PRSS23: variants seen among roughly 807,000 people sequenced by gnomAD.
PRSS23 encodes the protein protease, serine 23.
In PRSS23, 25 loss-of-function variants were observed where a neutral mutation model predicts 34.7. That is an observed-to-expected ratio of 0.72 (90% CI 0.53 to 1.01). The LOEUF (loss-of-function observed/expected upper bound fraction) is 1.01, where lower values mean the gene tolerates loss of function less well. PRSS23 is among the 50% of genes least tolerant of loss of function. The pLI is 0.00. For missense variants in PRSS23, 445 were observed against 475.6 expected (o/e 0.94, Z 0.60); for synonymous variants, 176 against 186.6 (o/e 0.94, Z 0.46).
rs560559265 is a variant in PRSS23, at chr11:86,872,237, T to C, written c.206+48644T>C. ...TAATGTGTTATTATTTCCTCTTCTGTAAGTTTTTAAATAATGTTCAAAGAG... is the reference window on the plus strand; with the variant it reads ...TAATGTGTTATTATTTCCTCTTCTGCAAGTTTTTAAATAATGTTCAAAGAG... On this transcript the variant is annotated intron_variant, in intron 2 of 2. Transcript: ENST00000533902. Among the ~76,000 whole-genome samples, 3 of 152,312 alleles carry C rather than the reference T, an allele frequency of 2.0e-5. No individual in the cohort carries two copies. The South Asian group carries it at 6.2e-4, about 32-fold the overall frequency.
intron 1 of PRSS23, among the ~76,000 whole-genome samples, chr11:86,793,517 G>T (rs1011364825): frequency 6.6e-6 from 1 of 152,140 alleles, no homozygotes; most frequent in African/African-American, 2.4e-5. Context: ...AATGTAATTA[G>T]CAGGCCAAGT....
intron 2 of PRSS23, chr11:86,857,595 G>A (rs1428792972): frequency 2.0e-6 from 1 of 504,312 alleles, no homozygotes; most frequent in Non-Finnish European, 4.0e-6. Context: ...CAGAGGTGAG[G>A]ATTCATGATG....
At chr11:86,813,519 G>A (rs185796436), downstream of PRSS23, among the ~76,000 whole-genome samples, 22 of 152,262 alleles carry the variant, frequency 1.4e-4, no homozygotes, top group African/African-American at 4.8e-4. Context: ...TTAAGTAGGA[G>A]CCCTGGTGGG....
intron 1 of PRSS23, among the ~76,000 whole-genome samples, chr11:86,791,888 C>T (rs77127947): frequency 0.017 from 2,599 of 152,274 alleles, 80 homozygotes; most frequent in African/African-American, 0.059. Context: ...CTTCAATGAG[C>T]TTTTATACCA....
At chr11:86,796,533 C>T (rs12796593), upstream of PRSS23, among the ~76,000 whole-genome samples, 11,270 of 148,810 alleles carry the variant, frequency 0.076, 472 homozygotes, top group Middle Eastern at 0.12. Flanking sequence ...CCCAGCTACT[C>T]GGGAGGCTGA....
intron 2 of PRSS23, chr11:86,932,575 A>G (rs1949133258): frequency 6.7e-6 from 1 of 149,812 alleles, no homozygotes; most frequent in African/African-American, 2.5e-5. Context: ...TTCACTCACC[A>G]TTTAACTGAA....
intron 2 of PRSS23, among the ~76,000 whole-genome samples, chr11:86,868,077 G>A (rs942078074): frequency 1.3e-5 from 2 of 150,064 alleles, no homozygotes; most frequent in Admixed American, 6.6e-5. Context: ...GGAAAAAAAA[G>A]TGAAGCCTAG....
intron 2 of PRSS23, among the ~76,000 whole-genome samples, chr11:86,939,487 G>A (rs1219839067): frequency 7.1e-6 from 1 of 141,042 alleles, no homozygotes; most frequent in Non-Finnish European, 1.5e-5. Context: ...GGCTACTAAA[G>A]ATTATAATTC....
chr11:86,813,158 T>A (rs1311325337), downstream of PRSS23, among the ~76,000 whole-genome samples: 1 of 152,220 alleles, frequency 6.6e-6, no homozygotes, highest in African/African-American at 2.4e-5. Context: ...TATGGTGATA[T>A]AACCCTCTGT....
chr11:86,909,046 G>C (rs906764432), intron 2 of PRSS23: 2 of 151,794 alleles, frequency 1.3e-5, no homozygotes, highest in Non-Finnish European at 2.9e-5. Flanking sequence ...ACAGATGAGG[G>C]GATAAGATTT....
chr11:86,869,233 T>G (rs893153854), intron 2 of PRSS23, among the ~76,000 whole-genome samples: 1 of 152,168 alleles, frequency 6.6e-6, no homozygotes, highest in Non-Finnish European at 1.5e-5. Context: ...GTTTGGAATG[T>G]AGTCAGTATT....
intron 2 of PRSS23, among the ~76,000 whole-genome samples, chr11:86,856,117 T>C (rs984668262): frequency 1.3e-5 from 2 of 152,226 alleles, no homozygotes; most frequent in Non-Finnish European, 2.9e-5. Flanking sequence ...CAGCAATCAA[T>C]GTGTGTATAA....
intron 2 of PRSS23, among the ~76,000 whole-genome samples, chr11:86,853,242 CTTTTTTTTTTTTTTTTTTT>C (rs561682096): frequency 1.5e-4 from 7 of 47,766 alleles, no homozygotes; most frequent in Admixed American, 6.3e-4. Context: ...AAGTGCCTGC[CTTTTTTTTTTTTTTTTTTT>C]TTTTTTTTTT....
intron 2 of PRSS23, among the ~76,000 whole-genome samples, chr11:86,856,271 A>C (rs1190657454): frequency 6.6e-6 from 1 of 151,942 alleles, no homozygotes; most frequent in Non-Finnish European, 1.5e-5. Flanking sequence ...GTTCTTATTC[A>C]TTGGAGCTTG....
At chr11:86,857,840 T>A in intron 2 of PRSS23, 1 of 578,956 alleles carries the variant, frequency 1.7e-6, no homozygotes, top group Non-Finnish European at 3.3e-6. Context: ...AAGAAGTACA[T>A]GGGGGTGTGG....
At chr11:86,947,874 G>A (rs1034935433) in intron 2 of PRSS23, 1 of 152,224 alleles carries the variant, frequency 6.6e-6, no homozygotes. Context: ...GATTTCTGAG[G>A]AAGCTACAAT....
intron 2 of PRSS23, among the ~76,000 whole-genome samples, chr11:86,920,288 T>C (rs1309927230): frequency 2.0e-5 from 3 of 152,234 alleles, no homozygotes; most frequent in Non-Finnish European, 4.4e-5. Flanking sequence ...AGTCTATTCA[T>C]TCATTTACTT....
chr11:86,857,770 A>C, intron 2 of PRSS23: 1 of 1,054,670 alleles, frequency 9.5e-7, no homozygotes, highest in Non-Finnish European at 1.4e-6. Context: ...CATGTCCACA[A>C]TCATCTTGGG....
intron 2 of PRSS23, among the ~76,000 whole-genome samples, chr11:86,901,340 G>A (rs1378634380): frequency 6.6e-6 from 1 of 152,114 alleles, no homozygotes; most frequent in African/African-American, 2.4e-5. Context: ...CATGATAAAT[G>A]TTTAGAGAAT....
Sources: gnomAD v4.1 joint callset for allele counts (sites outside exome capture counted in the v4.1 genomes callset) on GRCh38, gnomAD v4.1.1 for gene constraint, MANE v1.5 for transcripts, NCBI Gene and HGNC (gene_info 2026-07-23, HGNC 2026-07-21) for gene names.